CHRM3: variants seen among roughly 807,000 people sequenced by gnomAD.
The protein encoded by CHRM3 is cholinergic receptor muscarinic 3, also known as muscarinic acetylcholine receptor M3.
Under a neutral mutation model 41.8 loss-of-function variants are expected in CHRM3, and 11 were observed. That is an observed-to-expected ratio of 0.26 (90% CI 0.17 to 0.44). CHRM3 has a LOEUF of 0.44. Among genes scored for constraint, CHRM3 ranks in the 20% least tolerant of loss-of-function variants. The pLI is 1.00. For synonymous variants in CHRM3, 297 were observed against 301.4 expected (o/e 0.99, Z 0.15); for missense variants, 571 against 745.4 (o/e 0.77, Z 2.72).
At position 239,748,416 on chromosome 1, in the gene CHRM3, A is replaced by G. The variant is rs1379221012; in HGVS notation, c.-147+70128A>G. Among the ~76,000 whole-genome samples, 1 of 152,066 alleles carries G rather than the reference A, an allele frequency of 6.6e-6. No homozygotes were observed. The highest frequency in any genetic ancestry group is 1.9e-4 in the East Asian group (1 of 5,174). ...CCATTACTGCCACTCCATGGTGCAC[A>G]TTTCCTGAGCCATTATTCTGGAAAA... On this transcript the variant is annotated intron_variant, in intron 5 of 6. Coordinates refer to ENST00000676153, the MANE Select transcript of CHRM3 (RefSeq NM_001375978.1). The surrounding 1 kb of genome is among the most constrained non-coding windows in gnomAD (Gnocchi z 4.3).
chr1:239,729,954 T>A (rs1663805385), intron 5 of CHRM3, among the ~76,000 whole-genome samples: 1 of 151,904 alleles, frequency 6.6e-6, no homozygotes, highest in African/African-American at 2.4e-5. Context: ...TTTCTAACTG[T>A]GTATCTGAAT....
At chr1:239,848,130 A>G (rs1000863581) in intron 6 of CHRM3, among the ~76,000 whole-genome samples, 2 of 152,178 alleles carry the variant, frequency 1.3e-5, no homozygotes, top group Non-Finnish European at 2.9e-5. Flanking sequence ...ATATCCATTC[A>G]TCCATGGCTA....
At chr1:239,609,863 A>G (rs995167334) in intron 3 of CHRM3, among the ~76,000 whole-genome samples, 20 of 152,168 alleles carry the variant, frequency 1.3e-4, no homozygotes, top group African/African-American at 4.6e-4. Context: ...ATCATTCTTC[A>G]TATCTATTTA....
chr1:239,854,779 A>T (rs1021103955), intron 6 of CHRM3, among the ~76,000 whole-genome samples: 3 of 152,184 alleles, frequency 2.0e-5, no homozygotes, highest in Non-Finnish European at 4.4e-5. Context: ...CTATGTGAAA[A>T]TATGGAAAAT....
rs1360247110 is a variant in CHRM3, at chr1:239,700,652, A to G, written c.-147+22364A>G. On this transcript the variant is annotated intron_variant, in intron 5 of 6. Transcript: ENST00000676153. ...CTGGCATCTTAATGGGCATATTCCT[A>G]TTAGAGACAGTCATGCACCTGTAGC... Among the ~76,000 whole-genome samples the G allele has an allele frequency of 2.6e-5, 4 of 152,122 alleles. No individual in the cohort carries two copies. In the East Asian group the frequency reaches 5.8e-4, roughly 22 times the overall value.
intron 3 of CHRM3, among the ~76,000 whole-genome samples, chr1:239,598,904 A>G (rs1289771561): frequency 2.8e-5 from 4 of 144,468 alleles, no homozygotes; most frequent in African/African-American, 5.2e-5. Flanking sequence ...GCCACCACGC[A>G]TGGACGCTTC....
In CHRM3 at chr1:239,909,243, G is replaced by T; in HGVS notation, c.*19G>T. 6.3e-7 allele frequency: 1 copy of T among 1,578,770 alleles called. No homozygotes were observed. Among genetic ancestry groups the T allele is most frequent in the Non-Finnish European group, 8.6e-7 (1 of 1,163,672 alleles). On this transcript the variant is annotated 3_prime_UTR_variant, in exon 7 of 7. Coordinates refer to ENST00000676153, the MANE Select transcript of CHRM3 (RefSeq NM_001375978.1). The stretch of plus-strand genomic sequence containing the variant: ...CTTGTAGAATGAGGTTGTATCAATA[G>T]CAGTGACAAAACGCACACATCAACC...
intron 5 of CHRM3, among the ~76,000 whole-genome samples, chr1:239,741,409 G>C (rs1003837920): frequency 6.6e-6 from 1 of 152,126 alleles, no homozygotes; most frequent in East Asian, 1.9e-4. Context: ...TTTCTCACAT[G>C]AGGGTCTTAT....
At chr1:239,528,420 T>C (rs1385421149) in intron 2 of CHRM3, among the ~76,000 whole-genome samples, 3 of 152,182 alleles carry the variant, frequency 2.0e-5, no homozygotes, top group Admixed American at 1.3e-4. Flanking sequence ...GACCATCTGT[T>C]TGAAAGTGCA....
At chr1:239,705,535 C>T (rs1661073722) in intron 5 of CHRM3, 1 of 152,084 alleles carries the variant, frequency 6.6e-6, no homozygotes, top group Non-Finnish European at 1.5e-5. Flanking sequence ...TTTGTAGTTC[C>T]TTGGTTTGTA....
At position 239,789,293 on chromosome 1, in the gene CHRM3, A is replaced by G. The variant is rs895417819; in HGVS notation, c.-146-37959A>G. ...AATGTCATCTAGTTGTATACTCTGG[A>G]GGAAGAAAAATTAATTTGGCGAAGA... On this transcript the variant is annotated intron_variant, in intron 5 of 6. Coordinates refer to ENST00000676153, the MANE Select transcript of CHRM3 (RefSeq NM_001375978.1). Among the ~76,000 whole-genome samples the G allele has an allele frequency of 3.9e-5, 6 of 152,300 alleles. No individual in the cohort carries two copies. In the East Asian group the frequency reaches 7.7e-4, roughly 20 times the overall value.
At chr1:239,576,270 C>A (rs1303243495) in intron 3 of CHRM3, among the ~76,000 whole-genome samples, 1 of 126,710 alleles carries the variant, frequency 7.9e-6, no homozygotes, top group Non-Finnish European at 1.8e-5. Context: ...CTACTCCCTA[C>A]CCACCCCCAT....
At chr1:239,666,711 A>G (rs530213535) in intron 4 of CHRM3, among the ~76,000 whole-genome samples, 5 of 152,092 alleles carry the variant, frequency 3.3e-5, no homozygotes, top group African/African-American at 9.6e-5. Context: ...GGGGGTACAT[A>G]TCAGGTTTGT....
chr1:239,397,157 T>C (rs377415698), intron 1 of CHRM3, among the ~76,000 whole-genome samples: 5 of 152,194 alleles, frequency 3.3e-5, no homozygotes, highest in Non-Finnish European at 7.3e-5. Flanking sequence ...TAGTAATCAT[T>C]TATCTTTGAT....
chr1:239,463,805 A>C (rs1362577272), intron 1 of CHRM3, among the ~76,000 whole-genome samples: 1 of 152,188 alleles, frequency 6.6e-6, no homozygotes, highest in Admixed American at 6.5e-5. Context: ...ATCTTGCTTA[A>C]CTGAAACCTC....
At chr1:239,837,566 T>G (rs908598371) in intron 6 of CHRM3, among the ~76,000 whole-genome samples, 1 of 152,210 alleles carries the variant, frequency 6.6e-6, no homozygotes, top group Non-Finnish European at 1.5e-5. Context: ...ATATATGTTT[T>G]AAGTTAGACT....
At chr1:239,875,200 T>C (rs1292050372) in intron 6 of CHRM3, among the ~76,000 whole-genome samples, 2 of 152,156 alleles carry the variant, frequency 1.3e-5, no homozygotes, top group East Asian at 3.8e-4. Context: ...ATGAATTCTG[T>C]CCTTCAGGAC....
At chr1:239,471,947 G>A (rs192208218) in intron 1 of CHRM3, among the ~76,000 whole-genome samples, 127 of 152,226 alleles carry the variant, frequency 8.3e-4, no homozygotes, top group African/African-American at 2.9e-3. Context: ...TGCTGGACTC[G>A]CCAATTTTTT....
intron 5 of CHRM3, among the ~76,000 whole-genome samples, chr1:239,721,630 T>C (rs1282616324): frequency 6.6e-6 from 1 of 151,886 alleles, no homozygotes; most frequent in Non-Finnish European, 1.5e-5. Context: ...CTCAAAAATG[T>C]CCTTTACATA....
Sources: gnomAD v4.1 joint callset for allele counts (sites outside exome capture counted in the v4.1 genomes callset) on GRCh38, gnomAD v4.1.1 for gene constraint, Gnocchi (gnomAD v3.1) non-coding constraint, MANE v1.5 for transcripts, NCBI Gene and HGNC (gene_info 2026-07-23, HGNC 2026-07-21) for gene names.